The following AKAP13 variants were observed in gnomAD, a reference collection of about 807,000 sequenced individuals.
AKAP13 encodes A-kinase anchoring protein 13, also known as A-kinase anchor protein 13.
AKAP13 carries 80 observed loss-of-function variants against 264.5 expected under a neutral mutation model. The ratio of observed to expected loss-of-function variants is 0.30; its 90% CI spans 0.25 to 0.36. AKAP13 has a LOEUF of 0.36. Ranked by LOEUF, AKAP13 falls within the 10% of genes least tolerant of loss-of-function variation. The probability of loss-of-function intolerance (pLI) is 1.00; values close to 1 mark genes in which losing one functional copy is unlikely to be tolerated. For synonymous variants in AKAP13, 1,380 were observed against 1,250.2 expected (o/e 1.10, Z -2.19); for missense variants, 3,712 against 3,435.2 (o/e 1.08, Z -2.01).
In AKAP13 at chr15:85,629,191, C is replaced by T. The variant is rs1817408; in HGVS notation, c.4162-10183C>T. On this transcript the variant is annotated intron_variant, in intron 8 of 36. Transcript: ENST00000394518. ...CAGCCTGGGGTGACAGCTTCTTCTT[C>T]TGAAAAGGAAGGAAGTGAGGGAAGG... 8.0e-3 allele frequency among the ~76,000 whole-genome samples: 1,211 copies of T among 151,502 alleles called. 15 individuals carry two copies. Among genetic ancestry groups the T allele is most frequent in the African/African-American group, 0.027 (1,122 of 41,230 alleles).
chr15:85,723,478 A>G (rs982967006), intron 26 of AKAP13, among the ~76,000 whole-genome samples, 158 bp downstream of exon 26: 2 of 152,236 alleles, frequency 1.3e-5, no homozygotes, highest in Non-Finnish European at 2.9e-5. Flanking sequence ...GTAATCTTAT[A>G]TCAAAAATGG....
rs894438649 is a variant in AKAP13, at chr15:85,747,519, A to C, written c.*2842A>C. On this transcript the variant is annotated 3_prime_UTR_variant, in exon 37 of 37. Coordinates refer to ENST00000394518, the MANE Select transcript of AKAP13 (RefSeq NM_007200.5). ...GTTTTGGGGGAAAGATGGAGTTCCT[A>C]TCCAGAGCCCCCAGATTTCCAGAAT... 6.6e-6 allele frequency: 1 copy of C among 152,606 alleles called. No homozygotes were observed. Among genetic ancestry groups the C allele is most frequent in the Non-Finnish European group, 1.5e-5 (1 of 68,030 alleles). 9.5% of individuals were successfully genotyped at this position (152,606 alleles called of 1,614,324 possible).
At chr15:85,605,943 T>G (rs1238208932) in intron 8 of AKAP13, among the ~76,000 whole-genome samples, 1 of 152,178 alleles carries the variant, frequency 6.6e-6, no homozygotes, top group Admixed American at 6.5e-5. Context: ...CATGTATTTA[T>G]AAGGTCTAAC....
Position 85,565,845 on chromosome 15 carries a change from C to G in AKAP13, c.663-9286C>G, listed in dbSNP as rs114038444. On this transcript the variant is annotated intron_variant, in intron 5 of 36. Coordinates refer to ENST00000394518, the MANE Select transcript of AKAP13 (RefSeq NM_007200.5). ...ACTCTATTTCTGCATATGATTTTAT[C>G]TGAAAACATGCAGCTACTTAGAAGT... 1.1e-3 allele frequency among the ~76,000 whole-genome samples: 173 copies of G among 152,308 alleles called. 1 individual carries two copies. Among genetic ancestry groups the G allele is most frequent in the Middle Eastern group, 3.4e-3 (1 of 294 alleles).
chr15:85,697,236 T>C (rs549326633), intron 17 of AKAP13, among the ~76,000 whole-genome samples: 129 of 152,108 alleles, frequency 8.5e-4, no homozygotes, highest in African/African-American at 3.0e-3. Flanking sequence ...TAAACCACCA[T>C]GAGGAAGAAT....
At chr15:85,534,165 A>C (rs2077320192) in intron 4 of AKAP13, 2 of 419,830 alleles carry the variant, frequency 4.8e-6, no homozygotes, top group Admixed American at 4.0e-5. Context: ...CAAGTGTAGA[A>C]AGTGACATGC....
chr15:85,381,521 CTTTTT>C (rs1168869870), intron 1 of AKAP13, among the ~76,000 whole-genome samples: 3 of 64,292 alleles, frequency 4.7e-5, no homozygotes, highest in Admixed American at 2.4e-4. Flanking sequence ...CGGTTTACTG[CTTTTT>C]TTTTTTTTTT....
chr15:85,625,332 A>G (rs2081360772), intron 8 of AKAP13, among the ~76,000 whole-genome samples: 1 of 152,198 alleles, frequency 6.6e-6, no homozygotes, highest in Non-Finnish European at 1.5e-5. Context: ...TTGCATTGCC[A>G]ACACTGATGA....
At chr15:85,673,213 A>G (rs748100514) in intron 14 of AKAP13, among the ~76,000 whole-genome samples, 2 of 152,210 alleles carry the variant, frequency 1.3e-5, no homozygotes, top group African/African-American at 2.4e-5. Context: ...TGTTTTTTAA[A>G]AAATCTACTG....
At chr15:85,437,460 A>G (rs561688718) in intron 1 of AKAP13, among the ~76,000 whole-genome samples, 96 of 151,916 alleles carry the variant, frequency 6.3e-4, no homozygotes, top group African/African-American at 2.2e-3. Context: ...ATCCTCCCTA[A>G]CTCATTTTAT....
chr15:85,675,329 T>C (rs1254146922), intron 14 of AKAP13, among the ~76,000 whole-genome samples: 1 of 152,256 alleles, frequency 6.6e-6, no homozygotes, highest in Non-Finnish European at 1.5e-5. Flanking sequence ...TACCAACATT[T>C]CTTTGATCTG....
At chr15:85,654,818 T>C (rs1414989561) in intron 10 of AKAP13, among the ~76,000 whole-genome samples, 1 of 151,898 alleles carries the variant, frequency 6.6e-6, no homozygotes, top group Admixed American at 6.6e-5. Flanking sequence ...AGTGAGACCC[T>C]GTCTCAAATT....
In AKAP13 at chr15:85,581,864, G is replaced by A. The variant is rs369928472; in HGVS notation, c.3796G>A (p.Ala1266Thr). The change falls in exon 7 of 37, where the codon GCT becomes ACT. Residue 1266 changes from alanine (A) to threonine (T), a missense_variant. By Grantham distance (58) the Ala-to-Thr change is moderately conservative. Transcript: ENST00000394518. ...TGCTGTCATCGAACAAGTCAAGGCC[G>A]CTGGAGCACTGCTTACTGAGGGGGA... is the stretch of plus-strand genomic sequence containing the variant. ...VDAVIEQVKA[A>T]GALLTEGEAC... 10 of 1,614,048 alleles carry A rather than the reference G, an allele frequency of 6.2e-6. No individual in the cohort carries two copies. The highest frequency in any genetic ancestry group is 2.2e-5 in the East Asian group (1 of 44,890).
chr15:85,511,523 C>T (rs1239997394), intron 2 of AKAP13, among the ~76,000 whole-genome samples: 3 of 152,192 alleles, frequency 2.0e-5, no homozygotes, highest in East Asian at 3.8e-4. Context: ...ACAAATTATT[C>T]CCACAAGCCA....
At chr15:85,735,703 C>T (rs1348123973) in intron 32 of AKAP13, 73 bp downstream of exon 32, 1 of 1,420,462 alleles carries the variant, frequency 7.0e-7, no homozygotes, top group Non-Finnish European at 9.7e-7. Context: ...GAAATTATTT[C>T]ACTTTGATGT....
At chr15:85,598,329 C>G (rs1199006436) in intron 8 of AKAP13, among the ~76,000 whole-genome samples, 3 of 152,138 alleles carry the variant, frequency 2.0e-5, no homozygotes, top group Non-Finnish European at 4.4e-5. Context: ...TGTGCAGTCT[C>G]TACTTTGTGG....
At chr15:85,626,010 A>G (rs2081393728) in intron 8 of AKAP13, among the ~76,000 whole-genome samples, 1 of 152,240 alleles carries the variant, frequency 6.6e-6, no homozygotes, top group East Asian at 1.9e-4. Context: ...CATGAATATG[A>G]TACGCTTGGT....
At chr15:85,488,114 G>T (rs1246388335) in intron 2 of AKAP13, among the ~76,000 whole-genome samples, 1 of 152,074 alleles carries the variant, frequency 6.6e-6, no homozygotes, top group African/African-American at 2.4e-5. Context: ...GCCCAGGTTG[G>T]GCTCAAGTGA....
rs907971335 is a variant in AKAP13, at chr15:85,493,390, A to G, written c.33+7637A>G. On this transcript the variant is annotated intron_variant, in intron 2 of 36. Coordinates refer to ENST00000394518, the MANE Select transcript of AKAP13 (RefSeq NM_007200.5). ...GGTTTCATTCATTAATCTGCCTAGC[A>G]TAGGCCCTGAGTAGCTAGTGATGTC... Among the ~76,000 whole-genome samples, 2 of 152,220 alleles carry G rather than the reference A, an allele frequency of 1.3e-5. 1 individual carries two copies. The highest frequency in any genetic ancestry group is 2.9e-5 in the Non-Finnish European group (2 of 68,044).
Sources: gnomAD v4.1 joint callset for allele counts (sites outside exome capture counted in the v4.1 genomes callset) on GRCh38, gnomAD v4.1.1 for gene constraint, MANE v1.5 for transcripts, NCBI Gene and HGNC (gene_info 2026-07-23, HGNC 2026-07-21) for gene names.